The following ARHGEF12 variants were observed in gnomAD, a reference collection of about 807,000 sequenced individuals.
The protein encoded by ARHGEF12 is KMT2A/ARHGEF12 fusion protein.
ARHGEF12 carries 66 observed loss-of-function variants against 211.2 expected under a neutral mutation model. That is an observed-to-expected ratio of 0.31 (90% CI 0.26 to 0.38). The LOEUF (loss-of-function observed/expected upper bound fraction) is 0.38. ARHGEF12 is among the 10% of genes least tolerant of loss of function. The probability of loss-of-function intolerance (pLI) is 1.00; values close to 1 mark genes in which losing one functional copy is unlikely to be tolerated. For synonymous variants in ARHGEF12, 592 were observed against 638.4 expected, an observed-to-expected ratio of 0.93 and a Z score of 1.09; for missense variants, 1,429 against 1,869.5, an observed-to-expected ratio of 0.76 and a Z score of 4.34.
chr11:120,347,840 G>A (rs1042685205), intron 1 of ARHGEF12, among the ~76,000 whole-genome samples: 7 of 151,970 alleles, frequency 4.6e-5, no homozygotes, highest in African/African-American at 1.7e-4. Flanking sequence ...ATAAACAGTG[G>A]GACACAAAAT....
At chr11:120,337,468 C>T in intron 1 of ARHGEF12, 193 bp downstream of exon 1, 1 of 985,266 alleles carries the variant, frequency 1.0e-6, no homozygotes, top group Non-Finnish European at 1.2e-6. Flanking sequence ...TGTAATTTTT[C>T]CGGAGAGAAA....
In ARHGEF12 at chr11:120,459,167, T is replaced by C. The variant is rs1268000596; in HGVS notation, c.2381-7T>C. 6.3e-7 allele frequency: 1 copy of C among 1,597,752 alleles called. No individual in the cohort carries two copies. The highest frequency in any genetic ancestry group is 1.3e-5 in the African/African-American group (1 of 74,342). On this transcript the variant is annotated splice_region_variant and splice_polypyrimidine_tract_variant and intron_variant, in intron 25 of 40. Coordinates refer to ENST00000397843, the MANE Select transcript of ARHGEF12 (RefSeq NM_015313.3). ...AAGGCAACATTTCATATCTCTTTCC[T>C]GTTCAGAATTGTTCTACACTGAAAG...
At chr11:120,355,312 G>A (rs7942930) in intron 1 of ARHGEF12, among the ~76,000 whole-genome samples, 29 of 152,116 alleles carry the variant, frequency 1.9e-4, no homozygotes, top group South Asian at 1.2e-3. Flanking sequence ...TATACTAGTC[G>A]TTTACATTTG....
intron 1 of ARHGEF12, among the ~76,000 whole-genome samples, chr11:120,392,120 C>T (rs1216049194): frequency 6.6e-6 from 1 of 152,104 alleles, no homozygotes. Context: ...TACTTTACTA[C>T]TCTCTTGGTC....
chr11:120,344,604 A>G (rs1333718139), intron 1 of ARHGEF12, among the ~76,000 whole-genome samples: 2 of 152,154 alleles, frequency 1.3e-5, no homozygotes, highest in Non-Finnish European at 1.5e-5. Context: ...CTGTCAGCCT[A>G]TTTCCTGTTT....
intron 1 of ARHGEF12, among the ~76,000 whole-genome samples, chr11:120,367,318 TTAA>T (rs1943450488): frequency 6.7e-6 from 1 of 148,340 alleles, no homozygotes; most frequent in Admixed American, 6.8e-5. Flanking sequence ...TTAGATGCTT[TTAA>T]TAATAAAAAA....
intron 1 of ARHGEF12, among the ~76,000 whole-genome samples, chr11:120,339,537 A>G (rs929229480): frequency 5.9e-5 from 9 of 152,210 alleles, no homozygotes; most frequent in African/African-American, 1.2e-4. Context: ...CTTTTTAGAT[A>G]GAGATCCTTT....
At chr11:120,430,362 A>C (rs1945488370) in intron 10 of ARHGEF12, among the ~76,000 whole-genome samples, 1 of 152,184 alleles carries the variant, frequency 6.6e-6, no homozygotes, top group Non-Finnish European at 1.5e-5. Flanking sequence ...ATATAGCTGC[A>C]AAGTAATAGA....
chr11:120,395,074 A>G (rs1944340337), intron 1 of ARHGEF12, among the ~76,000 whole-genome samples: 1 of 151,498 alleles, frequency 6.6e-6, no homozygotes, highest in African/African-American at 2.4e-5. Flanking sequence ...AAAAAAAAAA[A>G]AAAAAAGATA....
At chr11:120,484,648 A>C in intron 40 of ARHGEF12, 141 bp downstream of exon 40, 1 of 774,360 alleles carries the variant, frequency 1.3e-6, no homozygotes, top group Non-Finnish European at 2.0e-6. Flanking sequence ...TAAACATCAG[A>C]TATCAAGCGG....
intron 1 of ARHGEF12, among the ~76,000 whole-genome samples, chr11:120,372,548 A>G (rs1312983293): frequency 1.3e-5 from 2 of 152,190 alleles, no homozygotes; most frequent in Non-Finnish European, 2.9e-5. Flanking sequence ...CATCTAGGCA[A>G]GTAACCAAAG....
intron 22 of ARHGEF12, among the ~76,000 whole-genome samples, chr11:120,454,099 C>G (rs1489716788): frequency 6.6e-6 from 1 of 152,112 alleles, no homozygotes; most frequent in Admixed American, 6.5e-5. Context: ...AGTCCAAAGC[C>G]TGACACTAGG....
intron 30 of ARHGEF12, among the ~76,000 whole-genome samples, chr11:120,470,218 C>T (rs1946828876): frequency 2.0e-5 from 3 of 152,158 alleles, no homozygotes; most frequent in Admixed American, 2.0e-4. Context: ...TGAACTAGTA[C>T]TCTATGGAGA....
At position 120,460,855 on chromosome 11, in the gene ARHGEF12, A is replaced by G. The variant is rs911378004; in HGVS notation, c.2613+98A>G. The G allele has an allele frequency of 9.5e-6, 10 of 1,055,252 alleles. No individual in the cohort carries two copies. In the East Asian group the frequency reaches 1.4e-4, roughly 15 times the overall value. The allele number at this position is 1,055,252 out of a possible 1,614,324, so 65.4% of individuals were successfully genotyped here. On this transcript the variant is annotated intron_variant, in intron 27 of 40. Transcript: ENST00000397843. ...CCTTTCCAAATATGCAAACTCATCC[A>G]TGTTGCAAAGTTAATGCAAAGCTGA... is the stretch of plus-strand genomic sequence containing the variant.
rs1945828605 is a variant in ARHGEF12 at position 120,440,191 on chromosome 11, A to T, written c.1062A>T (p.Glu354Asp). 1 of 1,613,864 alleles carries T rather than the reference A, an allele frequency of 6.2e-7. No individual in the cohort carries two copies. The highest frequency in any genetic ancestry group is 8.5e-7 in the Non-Finnish European group (1 of 1,179,792). ...TRIAPHIIGAEDDDFGTEHEQ... is the reference protein window; with the variant it reads ...TRIAPHIIGADDDDFGTEHEQ... Reference sequence around the variant, plus strand: ...TAGCACCTCATATTATTGGAGCAGAAGATGATGATTTTGGTACTGAACATG... The same window carrying T: ...TAGCACCTCATATTATTGGAGCAGATGATGATGATTTTGGTACTGAACATG... Residue 354 changes from glutamate (E) to aspartate (D), a missense_variant, in exon 13 of 41, where the codon GAA becomes GAT. Around this residue, in one of 7 missense-constraint regions of ARHGEF12, gnomAD observed 254 missense variants for 286.4 expected, o/e 0.89. Coordinates refer to ENST00000397843, the MANE Select transcript of ARHGEF12 (RefSeq NM_015313.3).
intron 27 of ARHGEF12, 84 bp downstream of exon 27, chr11:120,460,841 A>T (rs1946504186): frequency 4.3e-6 from 5 of 1,149,522 alleles, no homozygotes; most frequent in South Asian, 3.8e-5. Context: ...CTTTCCAAAT[A>T]TGCAAACTCA....
chr11:120,342,454 C>G (rs139919669), intron 1 of ARHGEF12, among the ~76,000 whole-genome samples: 43 of 152,246 alleles, frequency 2.8e-4, no homozygotes, highest in African/African-American at 9.9e-4. Flanking sequence ...TTGTATGATT[C>G]TAAATGTTTC....
intron 11 of ARHGEF12, among the ~76,000 whole-genome samples, chr11:120,435,653 T>C (rs1945672809): frequency 6.6e-6 from 1 of 151,798 alleles, no homozygotes; most frequent in South Asian, 2.1e-4. Flanking sequence ...TAGCTGGGAC[T>C]ACAGGTGTCT....
At chr11:120,387,993 ATG>A (rs2135482820) in intron 1 of ARHGEF12, among the ~76,000 whole-genome samples, 1 of 152,222 alleles carries the variant, frequency 6.6e-6, no homozygotes, top group African/African-American at 2.4e-5. Context: ...ATAGGTTTTG[ATG>A]TATATACACG....
Sources: gnomAD v4.1 joint callset for allele counts (sites outside exome capture counted in the v4.1 genomes callset) on GRCh38, gnomAD v4.1.1 for gene constraint, gnomAD v4.1.1 regional missense constraint, MANE v1.5 for transcripts, NCBI Gene and HGNC (gene_info 2026-07-23, HGNC 2026-07-21) for gene names.